EFCAB11: variants seen among roughly 807,000 people sequenced by gnomAD.
The protein encoded by EFCAB11 is EF-hand calcium binding domain 11, also known as EF-hand calcium-binding domain-containing protein 11.
EFCAB11 carries 14 observed loss-of-function variants against 23.0 expected under a neutral mutation model. That is an observed-to-expected ratio of 0.61 (90% CI 0.40 to 0.95). EFCAB11 has a LOEUF of 0.95. Among genes scored for constraint, EFCAB11 ranks in the 40% least tolerant of loss-of-function variants. EFCAB11 has a pLI of 0.00. For synonymous variants in EFCAB11, 65 were observed against 66.6 expected (o/e 0.98, Z 0.11); for missense variants, 198 against 195.8 (o/e 1.01, Z -0.07).
chr14:89,854,186 G>A (rs1315690741), intron 5 of EFCAB11, among the ~76,000 whole-genome samples: 6 of 149,576 alleles, frequency 4.0e-5, no homozygotes, highest in Admixed American at 6.6e-5. Flanking sequence ...ATGAATTTGC[G>A]GTTGTCTCTC....
rs73324525 is a variant in EFCAB11 at position 89,942,580 on chromosome 14, G to C, written c.217+7517C>G. ...GGTTATAATGAAACCCTCTGAAAGA[G>C]GTAGCAAGACTATAAATCAGAACCA... On this transcript the variant is annotated intron_variant, in intron 3 of 5. Transcript: ENST00000316738. Among the ~76,000 whole-genome samples the C allele has an allele frequency of 3.8e-3, 584 of 152,214 alleles. 2 individuals are homozygous for C. The highest frequency in any genetic ancestry group is 0.014 in the African/African-American group (564 of 41,516).
At chr14:89,895,075 T>C (rs1351849626) in intron 5 of EFCAB11, among the ~76,000 whole-genome samples, 2 of 152,194 alleles carry the variant, frequency 1.3e-5, no homozygotes, top group African/African-American at 4.8e-5. Flanking sequence ...ATGTGCAATA[T>C]TTCATAATAA....
At chr14:89,856,301 G>A (rs1177014946) in intron 5 of EFCAB11, among the ~76,000 whole-genome samples, 6 of 150,696 alleles carry the variant, frequency 4.0e-5, no homozygotes, top group Non-Finnish European at 2.9e-5. Flanking sequence ...TGATTATCCT[G>A]GCTTAGTCCC....
chr14:89,888,541 A>G (rs1340661522), intron 5 of EFCAB11, among the ~76,000 whole-genome samples: 2 of 152,166 alleles, frequency 1.3e-5, no homozygotes, highest in Non-Finnish European at 2.9e-5. Flanking sequence ...AAATGGCCAA[A>G]TCTCACAAGA....
chr14:89,820,462 T>C (rs926763182), intron 5 of EFCAB11, among the ~76,000 whole-genome samples: 1 of 151,930 alleles, frequency 6.6e-6, no homozygotes, highest in African/African-American at 2.4e-5. Flanking sequence ...CTGGACACTG[T>C]CTCACTCAGG....
intron 5 of EFCAB11, among the ~76,000 whole-genome samples, chr14:89,930,876 G>C (rs568530136): frequency 1.3e-5 from 2 of 152,332 alleles, no homozygotes; most frequent in East Asian, 1.9e-4. Flanking sequence ...CTCATGCTGG[G>C]AGTCAGAGAA....
At chr14:89,804,402 C>T (rs1885895296) in intron 5 of EFCAB11, among the ~76,000 whole-genome samples, 1 of 152,204 alleles carries the variant, frequency 6.6e-6, no homozygotes, top group South Asian at 2.1e-4. Context: ...ATCCTTATGG[C>T]AGGAAAATAC....
intron 5 of EFCAB11, among the ~76,000 whole-genome samples, chr14:89,864,444 A>T (rs1427379757): frequency 1.3e-5 from 2 of 149,760 alleles, no homozygotes; most frequent in Non-Finnish European, 3.0e-5. Flanking sequence ...TTTTTTTTTC[A>T]GATGGGGTCT....
At chr14:89,935,147 C>T (rs906533766) in intron 3 of EFCAB11, among the ~76,000 whole-genome samples, 8 of 152,108 alleles carry the variant, frequency 5.3e-5, no homozygotes, top group Non-Finnish European at 8.8e-5. Flanking sequence ...TGTGACCCGA[C>T]GGCCCTTTGT....
At chr14:89,842,732 C>T (rs907855677) in intron 5 of EFCAB11, among the ~76,000 whole-genome samples, 15 of 152,140 alleles carry the variant, frequency 9.9e-5, no homozygotes, top group African/African-American at 2.7e-4. Context: ...CACAGCCCTT[C>T]GTGATGTGGC....
intron 3 of EFCAB11, among the ~76,000 whole-genome samples, chr14:89,939,206 T>C (rs539486356): frequency 3.3e-5 from 5 of 152,148 alleles, no homozygotes; most frequent in Admixed American, 3.3e-4. Flanking sequence ...CCAGCTCTCA[T>C]CATGCCAGCT....
chr14:89,909,542 T>A (rs1596447595), intron 5 of EFCAB11, among the ~76,000 whole-genome samples: 1 of 152,102 alleles, frequency 6.6e-6, no homozygotes, highest in Admixed American at 6.5e-5. Flanking sequence ...GATCGCGCCA[T>A]TGCACTTCAG....
intron 3 of EFCAB11, among the ~76,000 whole-genome samples, chr14:89,949,818 G>T (rs1045646050): frequency 1.3e-5 from 2 of 152,200 alleles, no homozygotes; most frequent in Non-Finnish European, 2.9e-5. Context: ...AATCATGGCA[G>T]AAGGCAAAGA....
At chr14:89,911,073 T>G (rs998430897) in intron 5 of EFCAB11, among the ~76,000 whole-genome samples, 12 of 152,198 alleles carry the variant, frequency 7.9e-5, no homozygotes, top group African/African-American at 2.9e-4. Flanking sequence ...ACTACTCATT[T>G]TGTGAGAGCT....
In EFCAB11 at chr14:89,837,674, G is replaced by A. The variant is rs548309490; in HGVS notation, c.411-40350C>T. Among the ~76,000 whole-genome samples, 18 of 152,234 alleles carry A rather than the reference G, an allele frequency of 1.2e-4. No individual in the cohort carries two copies. In the South Asian group the frequency reaches 3.7e-3, roughly 32 times the overall value. On this transcript the variant is annotated intron_variant, in intron 5 of 5. Coordinates refer to ENST00000316738, the MANE Select transcript of EFCAB11 (RefSeq NM_145231.4). ...AAAAACAAGAAAGAAAAGTCTCTGT[G>A]AATAAAAAACGATAATAAACCCATG...
chr14:89,917,990 G>A (rs532295507), intron 5 of EFCAB11, among the ~76,000 whole-genome samples: 68 of 152,282 alleles, frequency 4.5e-4, no homozygotes, highest in African/African-American at 1.6e-3. Context: ...TCTCCAGGCA[G>A]GGTGTGAATG....
intron 5 of EFCAB11, chr14:89,924,738 G>T: frequency 6.6e-7 from 1 of 1,521,506 alleles, no homozygotes; most frequent in South Asian, 1.2e-5. Flanking sequence ...TGTAGACAGA[G>T]GAAAATGGAA....
At chr14:89,818,467 G>T (rs1200238912) in intron 5 of EFCAB11, among the ~76,000 whole-genome samples, 1 of 151,712 alleles carries the variant, frequency 6.6e-6, no homozygotes, top group Non-Finnish European at 1.5e-5. Context: ...GAAGGAAGGA[G>T]GGAGGAAGGG....
chr14:89,829,446 G>A (rs1886814239), intron 5 of EFCAB11, among the ~76,000 whole-genome samples: 1 of 152,218 alleles, frequency 6.6e-6, no homozygotes, highest in Admixed American at 6.5e-5. Context: ...GGGGTACGAT[G>A]ATGACCAATA....
Sources: gnomAD v4.1 joint callset for allele counts (sites outside exome capture counted in the v4.1 genomes callset) on GRCh38, gnomAD v4.1.1 for gene constraint, MANE v1.5 for transcripts, NCBI Gene and HGNC (gene_info 2026-07-23, HGNC 2026-07-21) for gene names.